CCND3: variants seen among roughly 807,000 people sequenced by gnomAD.
CCND3 encodes cyclin D3, also known as G1/S-specific cyclin-D3.
CCND3 carries 9 observed loss-of-function variants against 28.7 expected under a neutral mutation model. The observed-to-expected ratio is 0.31, with a 90% CI of 0.19 to 0.55. The LOEUF is 0.55. Ranked by LOEUF, CCND3 falls within the 20% of genes least tolerant of loss-of-function variation. The pLI, the probability that CCND3 is intolerant of heterozygous loss-of-function variation, is 0.93. For missense variants in CCND3, 315 were observed against 385.8 expected, an observed-to-expected ratio of 0.82 and a Z score of 1.54; for synonymous variants, 164 against 163.9, an observed-to-expected ratio of 1.00 and a Z score of 0.00.
chr6:42,023,608 C>T (rs1261101161), intron 1 of CCND3, among the ~76,000 whole-genome samples: 4 of 152,034 alleles, frequency 2.6e-5, no homozygotes, highest in South Asian at 4.1e-4. Context: ...GTGAGAATAG[C>T]GAGAACTGGT....
rs61494473 is a variant in CCND3 at position 42,003,525 on chromosome 6, C to CAAAAAAAAAAAAAAAAAAAAAA, written c.-46+44954_-46+44975dup. 2.7e-5 allele frequency among the ~76,000 whole-genome samples: 2 copies of CAAAAAAAAAAAAAAAAAAAAAA among 73,520 alleles called. 1 individual carries two copies. Among genetic ancestry groups the CAAAAAAAAAAAAAAAAAAAAAA allele is most frequent in the African/African-American group, 1.6e-4 (2 of 12,412 alleles). 48.2% of individuals were successfully genotyped at this position (73,520 alleles called of 152,430 possible). On this transcript the variant is annotated intron_variant, in intron 1 of 4. Transcript: ENST00000372988. ...GGGCAACCAGAGTGAGACTCTGTCTCAAAAAAAAAAAAAAAAAAAAAAAAA... is the reference window on the plus strand; with the variant it reads ...GGGCAACCAGAGTGAGACTCTGTCTCAAAAAAAAAAAAAAAAAAAAAAAAAAAAAAAAAAAAAAAAAAAAAAA...
In CCND3 at chr6:41,935,856, TGTG is replaced by T. The variant is rs1561948495; in HGVS notation, c.*81_*83del. 3 of 1,261,670 alleles carry T rather than the reference TGTG, an allele frequency of 2.4e-6. No individual in the cohort carries two copies. The highest frequency in any genetic ancestry group is 2.5e-5 in the East Asian group (1 of 40,038). 78.2% of individuals were successfully genotyped at this position (1,261,670 alleles called of 1,614,324 possible). A position where few individuals can be genotyped will look rare whatever the true frequency, so the allele number is the denominator to read the frequency against. The stretch of plus-strand genomic sequence containing the variant: ...GAACAGACGCCCCTTCAGGCTTAGA[TGTG>T]GTGTGGTTCCTGGAGGCAGGGAGGT... On this transcript the variant is annotated 3_prime_UTR_variant, in exon 5 of 5. Coordinates refer to ENST00000372991, the MANE Select transcript of CCND3 (RefSeq NM_001760.5).
chr6:41,940,289 G>A, intron 2 of CCND3, 81 bp downstream of exon 2: 1 of 1,279,458 alleles, frequency 7.8e-7, no homozygotes, highest in South Asian at 1.2e-5. Context: ...GGGGCAGAAA[G>A]CCTCTGATAT....
At chr6:41,942,444 T>C (rs567450533), upstream of CCND3, among the ~76,000 whole-genome samples, 3 of 152,252 alleles carry the variant, frequency 2.0e-5, no homozygotes, top group South Asian at 6.2e-4. Flanking sequence ...TGAATCAGAA[T>C]CTGCATTTTA....
intron 1 of CCND3, among the ~76,000 whole-genome samples, chr6:41,986,359 A>T (rs1762480186): frequency 8.3e-6 from 1 of 120,728 alleles, no homozygotes; most frequent in African/African-American, 3.2e-5. Context: ...TCTGTAGGTA[A>T]CGTCAGGTAA....
intron 1 of CCND3, among the ~76,000 whole-genome samples, chr6:41,977,053 C>T (rs1339919924): frequency 6.6e-6 from 1 of 152,142 alleles, no homozygotes; most frequent in Non-Finnish European, 1.5e-5. Flanking sequence ...CAAAAGCTCG[C>T]GTTTGTTGAA....
At chr6:41,959,425 G>A (rs1242508834) in intron 1 of CCND3, among the ~76,000 whole-genome samples, 2 of 147,542 alleles carry the variant, frequency 1.4e-5, no homozygotes, top group South Asian at 2.2e-4. Context: ...TCACGCCTGT[G>A]AGCCAGGCCA....
chr6:41,984,248 A>G (rs1369111810), intron 1 of CCND3, among the ~76,000 whole-genome samples: 1 of 152,224 alleles, frequency 6.6e-6, no homozygotes, highest in Non-Finnish European at 1.5e-5. Flanking sequence ...ACTGCTATGA[A>G]CATAGAGGTA....
At chr6:42,005,929 G>T (rs1486340276) in intron 1 of CCND3, among the ~76,000 whole-genome samples, 1 of 151,980 alleles carries the variant, frequency 6.6e-6, no homozygotes, top group Non-Finnish European at 1.5e-5. Context: ...GTGATCACCC[G>T]CCTCAGCCTC....
In CCND3 at chr6:41,987,511, CTCTCTCTGTGTGTGTGTGTGTGTG is replaced by C. The variant is rs1419529960; in HGVS notation, c.-45-46950_-45-46927del. Among the ~76,000 whole-genome samples the C allele has an allele frequency of 3.4e-4, 15 of 43,536 alleles. No individual in the cohort carries two copies. In the East Asian group the frequency reaches 5.5e-3, roughly 16 times the overall value. 28.6% of individuals were successfully genotyped at this position (43,536 alleles called of 152,430 possible). On this transcript the variant is annotated intron_variant, in intron 1 of 4. Transcript: ENST00000372988. ...TCTCTCTCTCTCTCTCTCTCTCTCTCTCTCTCTGTGTGTGTGTGTGTGTGTGTGTGTGTGTGTGTGTGTGTTTTA... is the reference window on the plus strand; with the variant it reads ...TCTCTCTCTCTCTCTCTCTCTCTCTCTGTGTGTGTGTGTGTGTGTGTTTTA...
intron 1 of CCND3, among the ~76,000 whole-genome samples, chr6:41,955,847 G>C (rs772192330): frequency 2.6e-5 from 4 of 152,044 alleles, no homozygotes; most frequent in African/African-American, 9.7e-5. Flanking sequence ...AGCTACATGG[G>C]AGGCTGAGGC....
chr6:41,971,233 A>C (rs1762025239), intron 1 of CCND3, among the ~76,000 whole-genome samples: 1 of 152,046 alleles, frequency 6.6e-6, no homozygotes, highest in Non-Finnish European at 1.5e-5. Context: ...TTTCTTTAGA[A>C]GCATTATTTC....
chr6:42,007,989 G>A (rs1300885411), intron 1 of CCND3, among the ~76,000 whole-genome samples: 1 of 152,138 alleles, frequency 6.6e-6, no homozygotes, highest in African/African-American at 2.4e-5. Flanking sequence ...AGCTGGCGGG[G>A]GAGCTGGGGG....
intron 1 of CCND3, among the ~76,000 whole-genome samples, chr6:41,977,279 A>G (rs960133427): frequency 6.6e-6 from 1 of 152,100 alleles, no homozygotes; most frequent in African/African-American, 2.4e-5. Context: ...GAGAGAAAAA[A>G]CCCATAGTCT....
upstream of CCND3, among the ~76,000 whole-genome samples, chr6:41,942,984 T>C (rs1776080172): frequency 6.8e-6 from 1 of 146,264 alleles, no homozygotes; most frequent in African/African-American, 2.5e-5. Flanking sequence ...GTTCAAGCAA[T>C]TCCCGAGTAG....
In CCND3 at chr6:41,938,664, C is replaced by T. The variant is rs1775887840; in HGVS notation, c.415-1270G>A. Among the ~76,000 whole-genome samples, 1 of 152,202 alleles carries T rather than the reference C, an allele frequency of 6.6e-6. No individual in the cohort carries two copies. Among genetic ancestry groups the T allele is most frequent in the African/African-American group, 2.4e-5 (1 of 41,432 alleles). ...CCATATCCAGGCAACCAGAGAATCC[C>T]AGTGTTAACTGGTGGAGAACACACC... On this transcript the variant is annotated intron_variant, in intron 2 of 4. Transcript: ENST00000372991. The surrounding 1 kb of genome is among the most constrained non-coding windows in gnomAD (Gnocchi z 4.6).
intron 1 of CCND3, among the ~76,000 whole-genome samples, chr6:41,987,806 A>G (rs1762532935): frequency 1.3e-5 from 2 of 151,358 alleles, no homozygotes; most frequent in Non-Finnish European, 2.9e-5. Context: ...CAGGCCACGG[A>G]ATTTTTTTCT....
chr6:42,025,942 G>A (rs2127434721), intron 1 of CCND3, among the ~76,000 whole-genome samples: 1 of 152,296 alleles, frequency 6.6e-6, no homozygotes, highest in Non-Finnish European at 1.5e-5. Context: ...ATGAGTGAGT[G>A]AATGAATGAG....
chr6:42,032,505 T>C (rs1021503643), intron 1 of CCND3, among the ~76,000 whole-genome samples: 41 of 152,350 alleles, frequency 2.7e-4, no homozygotes, highest in African/African-American at 9.1e-4. Flanking sequence ...CTATGGCCAA[T>C]TGGTTTCTGA....
Sources: gnomAD v4.1 joint callset for allele counts (sites outside exome capture counted in the v4.1 genomes callset) on GRCh38, gnomAD v4.1.1 for gene constraint, Gnocchi (gnomAD v3.1) non-coding constraint, MANE v1.5 for transcripts, NCBI Gene and HGNC (gene_info 2026-07-23, HGNC 2026-07-21) for gene names.